The following SNX13 variants were observed in gnomAD, a reference collection of about 807,000 sequenced individuals.
SNX13 encodes the protein sorting nexin-13.
Under a neutral mutation model 133.6 loss-of-function variants are expected in SNX13, and 45 were observed. The ratio of observed to expected loss-of-function variants is 0.34; its 90% CI spans 0.27 to 0.43. The LOEUF (loss-of-function observed/expected upper bound fraction) is 0.43. Among genes scored for constraint, SNX13 ranks in the 20% least tolerant of loss-of-function variants. The probability of loss-of-function intolerance (pLI) is 1.00; values close to 1 mark genes in which losing one functional copy is unlikely to be tolerated. For missense variants in SNX13, 1,032 were observed against 1,145.1 expected (o/e 0.90, Z 1.43); for synonymous variants, 414 against 373.9 (o/e 1.11, Z -1.24).
At chr7:17,855,534 T>A (rs1791779400) in intron 9 of SNX13, among the ~76,000 whole-genome samples, 1 of 152,156 alleles carries the variant, frequency 6.6e-6, no homozygotes, top group Non-Finnish European at 1.5e-5. Context: ...CATTTACCAT[T>A]CCAAAAATTC....
At position 17,798,063 on chromosome 7, in the gene SNX13, C is replaced by T. The variant is rs187287129; in HGVS notation, c.2513+627G>A. ...GCTTCCTTTCCTTCCCTTCAAAATA[C>T]ATGATGCCATGAATTTTTACGCATT... On this transcript the variant is annotated intron_variant, in intron 24 of 25. Coordinates refer to ENST00000428135, the MANE Select transcript of SNX13 (RefSeq NM_015132.5). Among the ~76,000 whole-genome samples, 18 of 151,956 alleles carry T rather than the reference C, an allele frequency of 1.2e-4. No homozygotes were observed. In the East Asian group the frequency reaches 2.9e-3, roughly 24 times the overall value.
intron 5 of SNX13, chr7:17,881,165 T>C (rs1309351399): frequency 6.6e-6 from 1 of 152,056 alleles, no homozygotes; most frequent in South Asian, 2.1e-4. Flanking sequence ...AGACCTTTTT[T>C]AAAAACAGTA....
Position 17,940,382 on chromosome 7 carries a change from C to T in SNX13, c.-87G>A, listed in dbSNP as rs753082540. ...CAGCGAAAACTGCTCGGGCCGCCGC[C>T]AACGGCGGCAACTGCTCCTTCAGTC... is the stretch of plus-strand genomic sequence containing the variant. On this transcript the variant is annotated 5_prime_UTR_variant, in exon 1 of 26. Coordinates refer to ENST00000428135, the MANE Select transcript of SNX13 (RefSeq NM_015132.5). 7.7e-6 allele frequency: 11 copies of T among 1,425,092 alleles called. No homozygotes were observed. The highest frequency in any genetic ancestry group is 1.1e-5 in the Non-Finnish European group (11 of 1,034,440). The allele number at this position is 1,425,092 out of a possible 1,614,324, so 88.3% of individuals were successfully genotyped here. A position where few individuals can be genotyped will look rare whatever the true frequency, so the allele number is the denominator to read the frequency against.
chr7:17,798,394 A>G (rs1231111746), intron 24 of SNX13, among the ~76,000 whole-genome samples: 3 of 151,872 alleles, frequency 2.0e-5, no homozygotes, highest in African/African-American at 7.2e-5. Flanking sequence ...TGATACAACC[A>G]TATCATTTTT....
At chr7:17,907,530 C>A (rs896748133) in intron 1 of SNX13, among the ~76,000 whole-genome samples, 3 of 152,080 alleles carry the variant, frequency 2.0e-5, no homozygotes, top group African/African-American at 7.2e-5. Context: ...TCTGGCTTTT[C>A]TTGAAAAACA....
At chr7:17,803,345 T>C in intron 21 of SNX13, 74 bp downstream of exon 21, 2 of 1,392,468 alleles carry the variant, frequency 1.4e-6, no homozygotes, top group Admixed American at 4.8e-5. Flanking sequence ...CTAAGGTAAA[T>C]CCAACCAGAA....
At chr7:17,901,204 T>A (rs1797795628) in intron 1 of SNX13, among the ~76,000 whole-genome samples, 1 of 151,928 alleles carries the variant, frequency 6.6e-6, no homozygotes, top group Admixed American at 6.6e-5. Context: ...CAAAACAGAA[T>A]CCTCTTCACT....
At position 17,850,411 on chromosome 7, in the gene SNX13, AT is replaced by A; in HGVS notation, c.1000del (p.Ile334Ter). 1 of 1,585,826 alleles carries A rather than the reference AT, an allele frequency of 6.3e-7. No homozygotes were observed. The highest frequency in any genetic ancestry group is 1.3e-5 in the African/African-American group (1 of 74,556). On this transcript the variant is annotated frameshift_variant, in exon 11 of 26. Transcript: ENST00000428135. LOFTEE classifies it high-confidence loss of function. ...CTTCTTTACGAATAGTAAGCTATTT[AT>A]TTGATTTTTGATAGTGTTGATATCT... ...GDDINTIKNQ[I>X]NSLLFVKKVC... is the part of the protein sequence containing the mutation.
chr7:17,798,911 A>C (rs1040473544), intron 23 of SNX13, 98 bp downstream of exon 23: 2 of 1,426,164 alleles, frequency 1.4e-6, no homozygotes, highest in African/African-American at 2.9e-5. Context: ...GGCCCAGAGA[A>C]AAAAATTCTC....
At chr7:17,886,531 G>C (rs1301798743) in intron 5 of SNX13, among the ~76,000 whole-genome samples, 1 of 151,804 alleles carries the variant, frequency 6.6e-6, no homozygotes, top group Non-Finnish European at 1.5e-5. Context: ...TCGTGCCACT[G>C]CTCTCCACCG....
chr7:17,845,915 G>C (rs1330855913), intron 11 of SNX13, among the ~76,000 whole-genome samples: 1 of 151,972 alleles, frequency 6.6e-6, no homozygotes, highest in Non-Finnish European at 1.5e-5. Flanking sequence ...AAAAATAATA[G>C]CATTCAACTG....
intron 1 of SNX13, among the ~76,000 whole-genome samples, chr7:17,935,993 T>C (rs981702135): frequency 1.3e-5 from 2 of 152,192 alleles, no homozygotes; most frequent in East Asian, 1.9e-4. Context: ...GGATGTATGA[T>C]GTATGTGCAT....
At chr7:17,936,986 G>C in intron 1 of SNX13, among the ~76,000 whole-genome samples, 1 of 108,332 alleles carries the variant, frequency 9.2e-6, no homozygotes, top group East Asian at 2.5e-4. Context: ...AACAGAAGGG[G>C]AAAAAAACTA....
intron 20 of SNX13, among the ~76,000 whole-genome samples, chr7:17,805,251 G>GCA (rs1785115931): frequency 1.4e-5 from 1 of 71,874 alleles, no homozygotes; most frequent in Non-Finnish European, 3.1e-5. Flanking sequence ...GTGTGTGTGT[G>GCA]CGTGCGCGCG....
chr7:17,917,949 G>A (rs1277973107), intron 1 of SNX13, among the ~76,000 whole-genome samples: 2 of 151,990 alleles, frequency 1.3e-5, no homozygotes, highest in Admixed American at 6.6e-5. Context: ...CCATGGTACT[G>A]GTATGAAAAC....
chr7:17,866,199 A>T (rs1413068601), intron 9 of SNX13, among the ~76,000 whole-genome samples: 1 of 152,120 alleles, frequency 6.6e-6, no homozygotes. Context: ...CAAAGGCAAG[A>T]GACAATCCAC....
At chr7:17,834,317 C>T in intron 14 of SNX13, 133 bp from the exon 15 acceptor site, 1 of 745,082 alleles carries the variant, frequency 1.3e-6, no homozygotes. Context: ...AGCAATAAGA[C>T]TATTTCACAA....
At chr7:17,827,911 A>G (rs558919957) in intron 16 of SNX13, among the ~76,000 whole-genome samples, 1 of 152,008 alleles carries the variant, frequency 6.6e-6, no homozygotes, top group African/African-American at 2.4e-5. Context: ...CATATTATCT[A>G]CTATAACTTC....
intron 7 of SNX13, 63 bp downstream of exon 7, chr7:17,875,417 C>T: frequency 7.4e-7 from 1 of 1,344,786 alleles, no homozygotes; most frequent in Non-Finnish European, 1.0e-6. Flanking sequence ...GATTTTTTCA[C>T]TGGTTCTGCT....
Sources: gnomAD v4.1 joint callset for allele counts (sites outside exome capture counted in the v4.1 genomes callset) on GRCh38, gnomAD v4.1.1 for gene constraint, MANE v1.5 for transcripts, NCBI Gene and HGNC (gene_info 2026-07-23, HGNC 2026-07-21) for gene names.